The following PKIB variants were observed in gnomAD, a reference collection of about 807,000 sequenced individuals.
PKIB encodes cAMP-dependent protein kinase inhibitor beta, also known as PKI-beta.
Under a neutral mutation model 4.5 loss-of-function variants are expected in PKIB, and 2 were observed. The observed-to-expected ratio is 0.44, with a 90% CI of 0.18 to 1.39. The LOEUF is 1.39. Ranked by LOEUF, PKIB falls within the 40% of genes most tolerant of loss-of-function variation. The pLI is 0.27. For synonymous variants in PKIB, 38 were observed against 36.0 expected, an observed-to-expected ratio of 1.06 and a Z score of -0.20; for missense variants, 94 against 92.6, an observed-to-expected ratio of 1.02 and a Z score of -0.06.
chr6:122,624,486 G>GA (rs1043898047), intron 1 of PKIB, among the ~76,000 whole-genome samples: 20 of 152,130 alleles, frequency 1.3e-4, no homozygotes, highest in Non-Finnish European at 2.9e-5. Flanking sequence ...AAACTTAAAA[G>GA]AAAACTTAGA....
intron 2 of PKIB, among the ~76,000 whole-genome samples, chr6:122,583,855 T>C: frequency 6.6e-6 from 1 of 152,148 alleles, no homozygotes; most frequent in Non-Finnish European, 1.5e-5. Flanking sequence ...AGAGGCCAAC[T>C]GTTAGGCTTG....
intron 2 of PKIB, among the ~76,000 whole-genome samples, chr6:122,554,969 G>A (rs1337959881): frequency 1.3e-5 from 2 of 152,288 alleles, no homozygotes; most frequent in South Asian, 2.1e-4. Context: ...GGGAGATACC[G>A]TGAAGGAGAT....
rs181331892 is a variant in PKIB at position 122,594,709 on chromosome 6, G to A, written c.-161+8702G>A. On this transcript the variant is annotated intron_variant, in intron 3 of 6. Transcript: ENST00000392491. ...ACAGGTCGTGGTTTTTTTCCTGATG[G>A]AGAGACCTAAACCTTCATTCCTGAA... Among the ~76,000 whole-genome samples, 314 of 152,134 alleles carry A rather than the reference G, an allele frequency of 2.1e-3. 2 individuals are homozygous for A. Among genetic ancestry groups the A allele is most frequent in the African/African-American group, 7.3e-3 (304 of 41,492 alleles).
At chr6:122,600,893 G>A (rs1018607572) in intron 3 of PKIB, among the ~76,000 whole-genome samples, 1 of 151,874 alleles carries the variant, frequency 6.6e-6, no homozygotes, top group Non-Finnish European at 1.5e-5. Context: ...TAATAGATGA[G>A]GACATTATGA....
chr6:122,553,478 C>CTTTTTTTT (rs1562249215), intron 2 of PKIB, among the ~76,000 whole-genome samples: 3 of 48,928 alleles, frequency 6.1e-5, no homozygotes, highest in African/African-American at 2.3e-4. Flanking sequence ...GCTCAAATAT[C>CTTTTTTTT]TTCTTTTTTT....
intron 3 of PKIB, among the ~76,000 whole-genome samples, chr6:122,712,996 T>G: frequency 6.6e-6 from 1 of 152,150 alleles, no homozygotes; most frequent in South Asian, 2.1e-4. Context: ...TAGTGCTCCA[T>G]TTATCTTGAA....
intron 3 of PKIB, among the ~76,000 whole-genome samples, chr6:122,601,931 T>G (rs945118722): frequency 6.6e-6 from 1 of 152,054 alleles, no homozygotes; most frequent in African/African-American, 2.4e-5. Context: ...AAGGGTCACC[T>G]GTAGTTTGGA....
At chr6:122,583,163 C>G (rs184915087) in intron 2 of PKIB, among the ~76,000 whole-genome samples, 1 of 151,978 alleles carries the variant, frequency 6.6e-6, no homozygotes, top group African/African-American at 2.4e-5. Flanking sequence ...ACAAACGAAG[C>G]TTTAGTGAAG....
At position 122,490,496 on chromosome 6, in the gene PKIB, A is replaced by G. The variant is rs77208826; in HGVS notation, c.-248+12557A>G. Among the ~76,000 whole-genome samples, 330 of 151,920 alleles carry G rather than the reference A, an allele frequency of 2.2e-3. 7 individuals are homozygous for G. In the East Asian group the frequency reaches 0.043, roughly 20 times the overall value. On this transcript the variant is annotated intron_variant, in intron 2 of 6. Transcript: ENST00000392491. The stretch of plus-strand genomic sequence containing the variant: ...CGGGAGGTGATTGGATCATGGAGAA[A>G]GGTCCCTCATGAGTGGTTTAGCACC...
intron 2 of PKIB, among the ~76,000 whole-genome samples, chr6:122,498,766 A>G (rs1195509216): frequency 3.9e-5 from 6 of 152,218 alleles, no homozygotes; most frequent in African/African-American, 7.2e-5. Flanking sequence ...CAAGGGATCA[A>G]TGAAATATAA....
upstream of PKIB, among the ~76,000 whole-genome samples, chr6:122,606,821 GTC>G (rs564935508): frequency 7.6e-4 from 116 of 152,108 alleles, 1 homozygote; most frequent in African/African-American, 2.8e-3. Flanking sequence ...CTGCCCAGGT[GTC>G]AGCCAGCCTG....
intron 3 of PKIB, among the ~76,000 whole-genome samples, chr6:122,705,465 C>G (rs1755489292): frequency 1.3e-5 from 2 of 151,764 alleles, no homozygotes; most frequent in African/African-American, 4.8e-5. Flanking sequence ...TTGGAATCAG[C>G]TTATTACTCT....
At chr6:122,530,179 A>G (rs1176054250) in intron 2 of PKIB, among the ~76,000 whole-genome samples, 1 of 151,942 alleles carries the variant, frequency 6.6e-6, no homozygotes, top group Non-Finnish European at 1.5e-5. Context: ...AAGTTTGCTC[A>G]TTATTTCATC....
chr6:122,627,281 T>G (rs866060185), intron 1 of PKIB, among the ~76,000 whole-genome samples: 2 of 152,080 alleles, frequency 1.3e-5, no homozygotes, highest in African/African-American at 2.4e-5. Context: ...CTCACCAAAT[T>G]TTAACTCCTG....
intron 2 of PKIB, among the ~76,000 whole-genome samples, chr6:122,641,509 C>T (rs1428807968): frequency 2.6e-5 from 4 of 152,102 alleles, no homozygotes; most frequent in African/African-American, 9.6e-5. Flanking sequence ...TAGAATTTTC[C>T]CAGGCAAACC....
intron 1 of PKIB, among the ~76,000 whole-genome samples, chr6:122,617,404 A>G (rs1332571051): frequency 6.6e-6 from 1 of 152,194 alleles, no homozygotes; most frequent in African/African-American, 2.4e-5. Context: ...GACTTTTGCC[A>G]AAGAATATTA....
chr6:122,710,254 T>C (rs9490530), intron 3 of PKIB, among the ~76,000 whole-genome samples: 49,322 of 151,944 alleles, frequency 0.32, 9,238 homozygotes, highest in South Asian at 0.55. Flanking sequence ...CCATTTGACA[T>C]TTTAAAACCA....
chr6:122,566,067 A>G (rs1773180958), intron 2 of PKIB, among the ~76,000 whole-genome samples: 1 of 151,772 alleles, frequency 6.6e-6, no homozygotes. Context: ...TTTTTTTTCA[A>G]GTACTGAGCT....
At chr6:122,577,939 A>G (rs1773597164) in intron 2 of PKIB, among the ~76,000 whole-genome samples, 1 of 151,834 alleles carries the variant, frequency 6.6e-6, no homozygotes, top group South Asian at 2.1e-4. Context: ...AAAAGAAAAA[A>G]GAAATACATT....
Sources: gnomAD v4.1 joint callset for allele counts (sites outside exome capture counted in the v4.1 genomes callset) on GRCh38, gnomAD v4.1.1 for gene constraint, MANE v1.5 for transcripts, NCBI Gene and HGNC (gene_info 2026-07-23, HGNC 2026-07-21) for gene names.